The following MAF variants were observed in gnomAD, a reference collection of about 807,000 sequenced individuals.
MAF encodes MAF bZIP transcription factor, also known as transcription factor Maf.
MAF carries 10 observed loss-of-function variants against 22.0 expected under a neutral mutation model. That is an observed-to-expected ratio of 0.45 (90% CI 0.28 to 0.77). The LOEUF is 0.77. Among genes scored for constraint, MAF ranks in the 30% least tolerant of loss-of-function variants. MAF has a pLI of 0.12. For synonymous variants in MAF, 337 were observed against 255.8 expected, an observed-to-expected ratio of 1.32 and a Z score of -3.03; for missense variants, 544 against 548.4, an observed-to-expected ratio of 0.99 and a Z score of 0.08.
chr16:79,519,535 C>G, the MAF span, among the ~76,000 whole-genome samples: 1 of 152,206 alleles, frequency 6.6e-6, no homozygotes, highest in African/African-American at 2.4e-5. Flanking sequence ...CCTTACCACT[C>G]TCTGTCCCTC....
the MAF span, among the ~76,000 whole-genome samples, chr16:79,219,059 C>T: frequency 1.3e-5 from 2 of 152,238 alleles, no homozygotes; most frequent in Non-Finnish European, 2.9e-5. Context: ...AGTGTCTTGC[C>T]TCTAAGCTGA....
the MAF span, among the ~76,000 whole-genome samples, chr16:79,428,996 C>T: frequency 6.6e-6 from 1 of 152,196 alleles, no homozygotes; most frequent in Middle Eastern, 3.4e-3. Flanking sequence ...ATAAGTCGCT[C>T]TGGAAATAGT....
At chr16:79,230,966 TA>T in the MAF span, among the ~76,000 whole-genome samples, 2 of 152,112 alleles carry the variant, frequency 1.3e-5, no homozygotes, top group Non-Finnish European at 2.9e-5. Flanking sequence ...ATCACTTGCC[TA>T]AAACTGGCTG....
chr16:79,272,089 A>G, the MAF span, among the ~76,000 whole-genome samples: 2 of 151,924 alleles, frequency 1.3e-5, no homozygotes, highest in Admixed American at 1.3e-4. Context: ...GGGGATGTCA[A>G]TGGGGGTAAA....
At chr16:79,522,790 A>T in the MAF span, among the ~76,000 whole-genome samples, 1 of 152,322 alleles carries the variant, frequency 6.6e-6, no homozygotes, top group East Asian at 1.9e-4. Flanking sequence ...AATATCACGA[A>T]TGTTTTAAGG....
At chr16:79,405,399 G>C in the MAF span, among the ~76,000 whole-genome samples, 1 of 152,162 alleles carries the variant, frequency 6.6e-6, no homozygotes, top group African/African-American at 2.4e-5. Context: ...CAGAAACCTG[G>C]AGAACAACAG....
downstream of MAF, among the ~76,000 whole-genome samples, chr16:79,581,578 A>G (rs574662260): frequency 6.6e-6 from 1 of 152,260 alleles, no homozygotes; most frequent in South Asian, 2.1e-4. Context: ...GATCAATTCA[A>G]TTCTCACCTC....
the MAF span, among the ~76,000 whole-genome samples, chr16:79,509,680 T>C: frequency 1.3e-5 from 2 of 152,306 alleles, no homozygotes; most frequent in South Asian, 2.1e-4. Context: ...TCATTCACAG[T>C]GGGGGCCCAG....
At chr16:79,357,761 G>A in the MAF span, among the ~76,000 whole-genome samples, 1 of 151,572 alleles carries the variant, frequency 6.6e-6, no homozygotes, top group Non-Finnish European at 1.5e-5. Flanking sequence ...GGGAATGATG[G>A]GCCAGTCTCC....
chr16:79,204,597 C>G, the MAF span: 2 of 152,148 alleles, frequency 1.3e-5, no homozygotes, highest in African/African-American at 4.8e-5. Context: ...ATGAAAAGGG[C>G]TTCACTCGTT....
chr16:79,238,366 T>C, the MAF span, among the ~76,000 whole-genome samples: 2 of 152,144 alleles, frequency 1.3e-5, no homozygotes, highest in East Asian at 3.8e-4. Flanking sequence ...AGATTCCCTT[T>C]GTATCTAAGA....
At chr16:79,221,441 C>A in the MAF span, among the ~76,000 whole-genome samples, 17 of 152,068 alleles carry the variant, frequency 1.1e-4, no homozygotes, top group Admixed American at 2.6e-4. Flanking sequence ...TCAGCACTTT[C>A]AAAATATAGG....
chr16:79,427,402 G>A, the MAF span, among the ~76,000 whole-genome samples: 75 of 152,282 alleles, frequency 4.9e-4, no homozygotes, highest in African/African-American at 1.7e-3. Context: ...CCCATTCATC[G>A]GTGATGTCTA....
At chr16:79,431,307 A>G in the MAF span, among the ~76,000 whole-genome samples, 2 of 152,216 alleles carry the variant, frequency 1.3e-5, no homozygotes, top group Non-Finnish European at 2.9e-5. Flanking sequence ...CAGAAGTTAA[A>G]GAGTTAAGGG....
At chr16:79,558,061 G>A in the MAF span, among the ~76,000 whole-genome samples, 1 of 151,932 alleles carries the variant, frequency 6.6e-6, no homozygotes, top group African/African-American at 2.4e-5. Flanking sequence ...TGTGACACCT[G>A]TCCTGGAAAC....
the MAF span, among the ~76,000 whole-genome samples, chr16:79,285,518 G>C: frequency 5.6e-3 from 859 of 152,296 alleles, 7 homozygotes; most frequent in Middle Eastern, 0.01. Flanking sequence ...AGCAGGGAAG[G>C]CTTGTGCAAA....
chr16:79,484,813 GCA>G, the MAF span, among the ~76,000 whole-genome samples: 1 of 152,190 alleles, frequency 6.6e-6, no homozygotes, highest in African/African-American at 2.4e-5. Context: ...GTGTGTGTGT[GCA>G]TGTGTGTGAA....
At chr16:79,488,537 A>C in the MAF span, among the ~76,000 whole-genome samples, 3 of 152,148 alleles carry the variant, frequency 2.0e-5, no homozygotes, top group Non-Finnish European at 4.4e-5. Context: ...GGCATTAACA[A>C]AACAAGGAAC....
At chr16:79,239,228 T>G in the MAF span, among the ~76,000 whole-genome samples, 2 of 152,058 alleles carry the variant, frequency 1.3e-5, no homozygotes, top group African/African-American at 2.4e-5. Context: ...AGCTGGAACA[T>G]TTGCATGGGT....
Sources: allele counts gnomAD v4.1 joint callset (sites outside exome capture counted in the v4.1 genomes callset), GRCh38; gene constraint gnomAD v4.1.1; transcripts MANE v1.5; gene names NCBI Gene and HGNC (gene_info 2026-07-23, HGNC 2026-07-21).